PLA2G2A: variants seen among roughly 807,000 people sequenced by gnomAD.
PLA2G2A encodes the protein phospholipase A2 group IIA, also known as phospholipase A2, membrane associated.
A neutral mutation model predicts 11.2 loss-of-function variants in PLA2G2A; 6 were observed. That is an observed-to-expected ratio of 0.54 (90% CI 0.29 to 1.06). The LOEUF (loss-of-function observed/expected upper bound fraction) is 1.06, where lower values mean the gene tolerates loss of function less well. Ranked by LOEUF, PLA2G2A falls within the 50% of genes least tolerant of loss-of-function variation. PLA2G2A has a pLI of 0.08. For missense variants in PLA2G2A, 133 were observed against 177.1 expected, an observed-to-expected ratio of 0.75 and a Z score of 1.41; for synonymous variants, 69 against 65.8, an observed-to-expected ratio of 1.05 and a Z score of -0.23.
intron 4 of PLA2G2A, among the ~76,000 whole-genome samples, chr1:19,976,368 C>T (rs1479317031): frequency 1.3e-5 from 2 of 152,204 alleles, no homozygotes; most frequent in East Asian, 3.8e-4. Context: ...GGACCTGCAG[C>T]CTGTCTCTTG....
At chr1:19,976,465 C>G (rs1028686646) in intron 4 of PLA2G2A, among the ~76,000 whole-genome samples, 1 of 152,160 alleles carries the variant, frequency 6.6e-6, no homozygotes, top group Non-Finnish European at 1.5e-5. Context: ...GAAAGCTGCC[C>G]CAAGCCTGGC....
At chr1:19,978,857 T>TC in exon 2 of PLA2G2A, 1 of 1,268,952 alleles carries the variant, frequency 7.9e-7, no homozygotes, top group Non-Finnish European at 1.1e-6. Flanking sequence ...CGGCCGTCGC[T>TC]CCCCTGCTCC....
At chr1:19,977,746 C>T (rs2046239834) in intron 4 of PLA2G2A, among the ~76,000 whole-genome samples, 1 of 152,224 alleles carries the variant, frequency 6.6e-6, no homozygotes, top group Non-Finnish European at 1.5e-5. Context: ...TCTTCCCTGA[C>T]TCTCTGCACA....
chr1:19,975,556 G>A, downstream of PLA2G2A: 2 of 732,438 alleles, frequency 2.7e-6, no homozygotes, highest in South Asian at 3.1e-5. Flanking sequence ...CTCATTCTGG[G>A]TGGGTATAGA....
chr1:19,977,236 G>C (rs930789146), intron 4 of PLA2G2A, among the ~76,000 whole-genome samples: 1 of 152,024 alleles, frequency 6.6e-6, no homozygotes, highest in Admixed American at 6.5e-5. Context: ...ACCATGACCT[G>C]CTCCCATGGT....
chr1:19,978,137 C>G lies in PLA2G2A; in HGVS notation c.186-16G>C, dbSNP rs762432235. On this transcript the variant is annotated splice_polypyrimidine_tract_variant and intron_variant, in intron 3 of 4. Transcript: ENST00000482011. ...GACACAGCAGCTGTGAGGAGACACC[C>G]TGTTGGGGCTCTTGTCCCACAGCTC... 2.5e-6 allele frequency: 4 copies of G among 1,575,264 alleles called. No individual in the cohort carries two copies. Among genetic ancestry groups the G allele is most frequent in the Non-Finnish European group, 3.5e-6 (4 of 1,144,506 alleles).
Position 19,979,125 on chromosome 1 carries a change from T to C in PLA2G2A, c.-106-246A>G, listed in dbSNP as rs2046267698. ...CTGTACCTCATCAGACTGAGAGTTC[T>C]TGGGAGGTTGGAACCAGGTTCCTCC... is the stretch of plus-strand genomic sequence containing the variant. On this transcript the variant is annotated intron_variant, in intron 1 of 4. Coordinates refer to ENST00000482011, the Ensembl canonical transcript of PLA2G2A. 6 of 331,042 alleles carry C rather than the reference T, an allele frequency of 1.8e-5. No individual in the cohort carries two copies. The South Asian group carries it at 2.2e-4, about 12-fold the overall frequency. 20.5% of individuals were successfully genotyped at this position (331,042 alleles called of 1,614,324 possible). A position where few individuals can be genotyped will look rare whatever the true frequency, so the allele number is the denominator to read the frequency against.
At chr1:19,979,088 A>C in intron 1 of PLA2G2A, 1 of 451,084 alleles carries the variant, frequency 2.2e-6, no homozygotes, top group South Asian at 2.2e-5. Context: ...TGATACACTA[A>C]TGAGACCTCC....
chr1:19,977,588 G>A (rs1268304947), intron 4 of PLA2G2A, among the ~76,000 whole-genome samples: 2 of 152,182 alleles, frequency 1.3e-5, no homozygotes, highest in Admixed American at 6.5e-5. Flanking sequence ...CTGGAGGGCC[G>A]GATTGACCTA....
exon 5 of PLA2G2A, chr1:19,975,720 C>A: frequency 6.2e-7 from 1 of 1,613,900 alleles, no homozygotes; most frequent in Non-Finnish European, 8.5e-7. Context: ...AGGGGTGCTC[C>A]CTCTGCAGTG....
chr1:19,978,456 C>T (rs1377099685), exon 3 of PLA2G2A: 2 of 1,613,976 alleles, frequency 1.2e-6, no homozygotes, highest in Non-Finnish European at 1.7e-6. Context: ...CTGAGTGCGG[C>T]TTCCTTTCCT....
At chr1:19,978,307 G>C (rs765160350) in intron 3 of PLA2G2A, 73 bp downstream of exon 3, 1 of 1,561,644 alleles carries the variant, frequency 6.4e-7, no homozygotes, top group Admixed American at 1.7e-5. Flanking sequence ...ATCAGGAACC[G>C]GCACTGTCTT....
chr1:19,978,619 G>A, intron 2 of PLA2G2A, 95 bp from the exon 3 acceptor site: 1 of 1,597,952 alleles, frequency 6.3e-7, no homozygotes. Flanking sequence ...CTCCCAAATG[G>A]CTTCTTTTTT....
intron 1 of PLA2G2A, chr1:19,979,152 A>C (rs553211960): frequency 1.1e-4 from 32 of 296,684 alleles, no homozygotes; most frequent in African/African-American, 6.6e-4. Flanking sequence ...GGTTCCTCCC[A>C]ACTACCTGGG....
intron 1 of PLA2G2A, 28 bp from the exon 2 acceptor site, chr1:19,978,907 C>T (rs1348668912): frequency 1.0e-5 from 8 of 799,356 alleles, no homozygotes; most frequent in South Asian, 1.4e-5. Context: ...GCTCTCCCAT[C>T]CAACCTAAGT....
chr1:19,975,475 T>TA (rs573678019), downstream of PLA2G2A: 96 of 592,086 alleles, frequency 1.6e-4, no homozygotes, highest in East Asian at 2.0e-3. Context: ...CCCCCCGGAG[T>TA]ACAGCTTCTT....
chr1:19,976,088 C>T (rs2046215490), intron 4 of PLA2G2A, among the ~76,000 whole-genome samples: 1 of 152,170 alleles, frequency 6.6e-6, no homozygotes, highest in African/African-American at 2.4e-5. Flanking sequence ...TCCTAACAGC[C>T]ATAATCTCTT....
At chr1:19,979,873 A>G (rs903618570), upstream of PLA2G2A, 2 of 152,204 alleles carry the variant, frequency 1.3e-5, no homozygotes, top group African/African-American at 4.8e-5. Flanking sequence ...GTAAATTCCC[A>G]TAACCAGCTC....
chr1:19,978,866 C>T (rs2100418887), exon 2 of PLA2G2A: 1 of 1,183,892 alleles, frequency 8.4e-7, no homozygotes, highest in Non-Finnish European at 1.3e-6. Context: ...CTCCCCTGCT[C>T]CTCCTTGGTG....
Sources: gnomAD v4.1 joint callset for allele counts (sites outside exome capture counted in the v4.1 genomes callset) on GRCh38, gnomAD v4.1.1 for gene constraint, MANE v1.5 for transcripts, NCBI Gene and HGNC (gene_info 2026-07-23, HGNC 2026-07-21) for gene names.